The following ZEB2 variants were observed in gnomAD, a reference collection of about 807,000 sequenced individuals.
ZEB2 encodes the protein zinc finger E-box-binding homeobox 2.
Under a neutral mutation model 99.9 loss-of-function variants are expected in ZEB2, and 6 were observed. The observed-to-expected ratio is 0.06, with a 90% confidence interval of 0.03 to 0.12. The LOEUF is 0.12. ZEB2 is among the 10% of genes least tolerant of loss of function. The pLI is 1.00. For synonymous variants in ZEB2, 517 were observed against 542.5 expected, an observed-to-expected ratio of 0.95 and a Z score of 0.65; for missense variants, 969 against 1,502.8, an observed-to-expected ratio of 0.64 and a Z score of 5.87.
At chr2:144,489,021 T>A (rs1704639743) in intron 2 of ZEB2, among the ~76,000 whole-genome samples, 1 of 152,226 alleles carries the variant, frequency 6.6e-6, no homozygotes, top group South Asian at 2.1e-4. Context: ...AATGTTCTTT[T>A]TTATTGTGAT....
At chr2:144,438,321 G>A (rs1419471896) in intron 2 of ZEB2, among the ~76,000 whole-genome samples, 1 of 152,160 alleles carries the variant, frequency 6.6e-6, no homozygotes, top group Non-Finnish European at 1.5e-5. Flanking sequence ...CTGAAATAAT[G>A]GGAAAGAACA....
intron 2 of ZEB2, among the ~76,000 whole-genome samples, chr2:144,441,164 CGAGAGAGAGAGAGAGA>C (rs113731061): frequency 3.4e-5 from 3 of 88,852 alleles, no homozygotes; most frequent in East Asian, 3.5e-4. Context: ...TTTAGCTGCA[CGAGAGAGAGAGAGAGA>C]GAGAGAGAGA....
At position 144,385,849 on chromosome 2, in the gene ZEB2, G is replaced by A. The variant is rs1703075416; in HGVS notation, c.*3602C>T. ...ACCTTTTTAAAAGTTATCTGATTGT[G>A]AAAAGTATCTAATACATTTATTCAT... On this transcript the variant is annotated 3_prime_UTR_variant, in exon 10 of 10. Coordinates refer to ENST00000627532, the MANE Select transcript of ZEB2 (RefSeq NM_014795.4). 1 of 152,160 alleles carries A rather than the reference G, an allele frequency of 6.6e-6. No homozygotes were observed. Among genetic ancestry groups the A allele is most frequent in the Non-Finnish European group, 1.5e-5 (1 of 68,022 alleles). 9.4% of individuals were successfully genotyped at this position (152,160 alleles called of 1,614,324 possible).
At chr2:144,441,646 A>AT (rs1703919921) in intron 2 of ZEB2, among the ~76,000 whole-genome samples, 1 of 152,002 alleles carries the variant, frequency 6.6e-6, no homozygotes, top group Non-Finnish European at 1.5e-5. Context: ...TGTACTTACA[A>AT]TTTTTTTACT....
intron 2 of ZEB2, among the ~76,000 whole-genome samples, chr2:144,453,715 G>A (rs957645673): frequency 9.2e-5 from 14 of 152,068 alleles, no homozygotes; most frequent in African/African-American, 3.4e-4. Context: ...CCCCTTTTGT[G>A]GCGACAAAGC....
chr2:144,499,625 C>A (rs1348099123), intron 2 of ZEB2, among the ~76,000 whole-genome samples: 1 of 152,080 alleles, frequency 6.6e-6, no homozygotes, highest in African/African-American at 2.4e-5. Context: ...AAAATATCAG[C>A]CTTATTATAA....
rs201630448 is a variant in ZEB2, at chr2:144,389,811, C to A, written c.3285G>T (p.Ala1095=). ...AEEREAAERE[A]REKGHLEPTE... Reference sequence around the variant, plus strand: ...TGGGTTCCAAGTGCCCTTTCTCGCGCGCCTCGCGCTCCGCCGCTTCCCGCT... The same window carrying A: ...TGGGTTCCAAGTGCCCTTTCTCGCGAGCCTCGCGCTCCGCCGCTTCCCGCT... Residue 1095 remains alanine, a synonymous_variant, in exon 10 of 10, where the codon GCG becomes GCT. Transcript: ENST00000627532. The surrounding 1 kb of genome is among the most constrained non-coding windows in gnomAD (Gnocchi z 6.8). 6.2e-7 allele frequency: 1 copy of A among 1,612,190 alleles called. No individual in the cohort carries two copies. Among genetic ancestry groups the A allele is most frequent in the East Asian group, 2.2e-5 (1 of 44,808 alleles).
intron 2 of ZEB2, among the ~76,000 whole-genome samples, chr2:144,484,279 T>A (rs146369803): frequency 7.9e-4 from 120 of 151,166 alleles, no homozygotes; most frequent in Middle Eastern, 3.4e-3. Context: ...GTGGGACAAA[T>A]CAAACATCTG....
chr2:144,423,920 T>A (rs1703654179), intron 4 of ZEB2, among the ~76,000 whole-genome samples: 1 of 152,214 alleles, frequency 6.6e-6, no homozygotes. Flanking sequence ...GTTACATTTT[T>A]TTTTTGTTTT....
chr2:144,399,551 C>A lies in ZEB2; in HGVS notation c.1636G>T (p.Asp546Tyr). ...ATATTACTGATCTGTCTCCTTGAGT[C>A]AGTAGTCAAGCTCTGGAGGCAAGCT... The part of the protein sequence containing the change: ...AKACLQSLTT[D>Y]SRRQISNIKK... Residue 546 changes from aspartate to tyrosine, a missense_variant, in exon 8 of 10, where the codon GAC becomes TAC. Asp to Tyr is a radical substitution (Grantham distance 160). This residue lies in a region of ZEB2 where 227 missense variants were observed against 278.2 expected (regional missense o/e 0.82). Coordinates refer to ENST00000627532, the MANE Select transcript of ZEB2 (RefSeq NM_014795.4). The surrounding 1 kb of genome is among the most constrained non-coding windows in gnomAD (Gnocchi z 5.6). 6.2e-7 allele frequency: 1 copy of A among 1,614,156 alleles called. No individual in the cohort carries two copies. Among genetic ancestry groups the A allele is most frequent in the South Asian group, 1.1e-5 (1 of 91,068 alleles).
intron 2 of ZEB2, among the ~76,000 whole-genome samples, chr2:144,439,024 G>A (rs900022158): frequency 6.6e-6 from 1 of 151,682 alleles, no homozygotes; most frequent in Non-Finnish European, 1.5e-5. Flanking sequence ...AACAATGTGA[G>A]GGGAAAAATA....
chr2:144,422,671 A>G (rs1413308974), intron 4 of ZEB2, among the ~76,000 whole-genome samples: 1 of 152,100 alleles, frequency 6.6e-6, no homozygotes. Flanking sequence ...ATGGTGGTGC[A>G]TGCCTGAAAT....
intron 2 of ZEB2, chr2:144,512,024 A>G: frequency 7.8e-7 from 1 of 1,287,210 alleles, no homozygotes; most frequent in Non-Finnish European, 1.0e-6. Context: ...CCAAAGAGCA[A>G]TCAAAAAGGT....
intron 6 of ZEB2, 46 bp from the exon 7 acceptor site, chr2:144,401,353 A>G: frequency 1.3e-6 from 2 of 1,593,976 alleles, no homozygotes; most frequent in Non-Finnish European, 1.7e-6. Flanking sequence ...AGGAGGAACA[A>G]AGAAAATTTG....
chr2:144,507,515 A>G lies in ZEB2; in HGVS notation c.73+9763T>C, dbSNP rs548915171. On this transcript the variant is annotated intron_variant, in intron 2 of 9. Coordinates refer to ENST00000627532, the MANE Select transcript of ZEB2 (RefSeq NM_014795.4). ...ATCATTATGATGATTACATTCCTCA[A>G]TTGAAAAAATGAAAGCAAAGTACAA... 3.3e-5 allele frequency: 5 copies of G among 152,322 alleles called. No homozygotes were observed. The South Asian group carries it at 8.3e-4, about 25-fold the overall frequency. The allele number at this position is 152,322 out of a possible 1,614,324, so 9.4% of individuals were successfully genotyped here.
intron 2 of ZEB2, chr2:144,512,107 CA>C: frequency 1.6e-6 from 2 of 1,287,182 alleles, no homozygotes; most frequent in South Asian, 1.2e-5. Flanking sequence ...GACACCCCAG[CA>C]CCATTGACGT....
rs560472397 is a variant in ZEB2 at position 144,478,908 on chromosome 2, C to A, written c.73+38370G>T. On this transcript the variant is annotated intron_variant, in intron 2 of 9. Coordinates refer to ENST00000627532, the MANE Select transcript of ZEB2 (RefSeq NM_014795.4). ...ATGTTAGCCCATGTTTTTATGAAAACAAGATTGAAAAGCTAAAAATCAATT... is the reference window on the plus strand; with the variant it reads ...ATGTTAGCCCATGTTTTTATGAAAAAAAGATTGAAAAGCTAAAAATCAATT... Among the ~76,000 whole-genome samples the A allele has an allele frequency of 2.0e-4, 31 of 152,210 alleles. No homozygotes were observed. In the South Asian group the frequency reaches 5.0e-3, roughly 24 times the overall value.
chr2:144,514,727 C>T, intron 2 of ZEB2, among the ~76,000 whole-genome samples: 1 of 152,158 alleles, frequency 6.6e-6, no homozygotes, highest in Non-Finnish European at 1.5e-5. Context: ...GCATGTTTTC[C>T]CACAGCTTAT....
At chr2:144,513,258 T>G in intron 2 of ZEB2, 3 of 1,288,390 alleles carry the variant, frequency 2.3e-6, no homozygotes, top group Non-Finnish European at 3.0e-6. Context: ...GGGCTTATTT[T>G]AAACAGGGAT....
Sources: allele counts gnomAD v4.1 joint callset (sites outside exome capture counted in the v4.1 genomes callset), GRCh38; gene constraint gnomAD v4.1.1; regional missense constraint gnomAD v4.1.1; non-coding constraint Gnocchi (gnomAD v3.1); transcripts MANE v1.5; gene names NCBI Gene and HGNC (gene_info 2026-07-23, HGNC 2026-07-21).